The following COL14A1 variants were observed in gnomAD, a reference collection of about 807,000 sequenced individuals.
COL14A1 encodes collagen alpha-1(XIV) chain.
In COL14A1, 136 loss-of-function variants were observed where a neutral mutation model predicts 230.3. The observed-to-expected ratio is 0.59, with a 90% CI of 0.51 to 0.68. The LOEUF (loss-of-function observed/expected upper bound fraction) is 0.68. COL14A1 is among the 30% of genes least tolerant of loss of function. COL14A1 has a pLI of 0.00. For synonymous variants in COL14A1, 792 were observed against 784.1 expected, an observed-to-expected ratio of 1.01 and a Z score of -0.17; for missense variants, 1,976 against 2,215.8, an observed-to-expected ratio of 0.89 and a Z score of 2.17.
At chr8:120,243,211 C>T (rs183643204) in intron 19 of COL14A1, among the ~76,000 whole-genome samples, 9 of 152,286 alleles carry the variant, frequency 5.9e-5, no homozygotes, top group South Asian at 4.1e-4. Context: ...CACACTTGCG[C>T]GATGTCGAAC....
At chr8:120,249,949 G>C (rs1194027134) in intron 21 of COL14A1, among the ~76,000 whole-genome samples, 1 of 152,178 alleles carries the variant, frequency 6.6e-6, no homozygotes, top group Non-Finnish European at 1.5e-5. Context: ...AGCTCTTAAA[G>C]AATGAGCATG....
chr8:120,209,925 G>A, intron 12 of COL14A1, 24 bp downstream of exon 12: 1 of 1,455,760 alleles, frequency 6.9e-7, no homozygotes, highest in Non-Finnish European at 9.1e-7. Flanking sequence ...ACCTATTACA[G>A]TCCTAGAATC....
intron 36 of COL14A1, 86 bp from the exon 37 acceptor site, chr8:120,309,923 A>T: frequency 7.9e-7 from 1 of 1,273,644 alleles, no homozygotes; most frequent in Non-Finnish European, 1.1e-6. Context: ...AATAATAATG[A>T]GTTAATTCAT....
At position 120,270,258 on chromosome 8, in the gene COL14A1, T is replaced by C. The variant is rs1819620403; in HGVS notation, c.3213+84T>C. The C allele has an allele frequency of 4.4e-6, 6 of 1,358,430 alleles. No homozygotes were observed. The East Asian group carries it at 1.3e-4, about 28-fold the overall frequency. The allele number at this position is 1,358,430 out of a possible 1,614,324, so 84.1% of individuals were successfully genotyped here. On this transcript the variant is annotated intron_variant, in intron 26 of 47. Transcript: ENST00000297848. ...TATTACAGCTACTTGTCAGGGACTATAGGTCAAGAACTGTAATGATTGGGT... is the reference window on the plus strand; with the variant it reads ...TATTACAGCTACTTGTCAGGGACTACAGGTCAAGAACTGTAATGATTGGGT...
chr8:120,306,405 T>C (rs1349313362), intron 36 of COL14A1, among the ~76,000 whole-genome samples: 49 of 152,234 alleles, frequency 3.2e-4, no homozygotes, highest in Admixed American at 3.2e-3. Context: ...TGAAAATTTA[T>C]ATTTCAAAAA....
chr8:120,321,510 G>A (rs1022394737), intron 40 of COL14A1, among the ~76,000 whole-genome samples: 4 of 152,026 alleles, frequency 2.6e-5, no homozygotes, highest in Non-Finnish European at 5.9e-5. Context: ...TGGCATGGTG[G>A]CACGAGCCTG....
intron 18 of COL14A1, among the ~76,000 whole-genome samples, chr8:120,229,024 C>T (rs949219643): frequency 2.0e-5 from 3 of 151,900 alleles, no homozygotes; most frequent in African/African-American, 7.3e-5. Context: ...GATGCTCATG[C>T]ACCTTACCTG....
intron 47 of COL14A1, 67 bp downstream of exon 47, chr8:120,369,552 G>A: frequency 7.2e-7 from 1 of 1,381,912 alleles, no homozygotes; most frequent in Non-Finnish European, 9.5e-7. Context: ...GTACCAAAAT[G>A]GGAAGATAGT....
intron 35 of COL14A1, among the ~76,000 whole-genome samples, chr8:120,298,581 T>C (rs2130011067): frequency 7.6e-6 from 1 of 131,364 alleles, no homozygotes; most frequent in South Asian, 2.5e-4. Context: ...ATGGGATGTG[T>C]GTATACCCAT....
At chr8:120,172,953 G>A (rs931206017) in intron 5 of COL14A1, among the ~76,000 whole-genome samples, 1 of 152,178 alleles carries the variant, frequency 6.6e-6, no homozygotes, top group South Asian at 2.1e-4. Context: ...CTTGCAGTAA[G>A]TAAGTAGCTT....
intron 1 of COL14A1, among the ~76,000 whole-genome samples, chr8:120,142,790 T>C (rs188595055): frequency 5.4e-4 from 83 of 152,310 alleles, no homozygotes; most frequent in Non-Finnish European, 1.2e-4. Context: ...CTCCCTTTTA[T>C]TGGCAACATA....
intron 45 of COL14A1, among the ~76,000 whole-genome samples, chr8:120,347,977 T>A (rs1231158665): frequency 2.0e-5 from 3 of 152,136 alleles, no homozygotes; most frequent in African/African-American, 7.2e-5. Context: ...ACTTTCTGCT[T>A]AGGCTTCCTA....
At chr8:120,350,067 G>T (rs941285483) in intron 45 of COL14A1, among the ~76,000 whole-genome samples, 35 of 147,966 alleles carry the variant, frequency 2.4e-4, no homozygotes, top group Admixed American at 4.0e-4. Flanking sequence ...CCAGAAGAGA[G>T]TGGGGGCCAA....
At position 120,125,345 on chromosome 8, in the gene COL14A1, G is replaced by T. The variant is rs1814293227; in HGVS notation, c.-38+5G>T. The T allele has an allele frequency of 6.6e-6, 1 of 152,352 alleles. No homozygotes were observed. The allele number at this position is 152,352 out of a possible 1,614,324, so 9.4% of individuals were successfully genotyped here. ...CTGGAACCTTGCCCAGCACAGGTCAGTTCGTCTTTCTCTGCTCTTCTTTGG... is the reference window on the plus strand; with the variant it reads ...CTGGAACCTTGCCCAGCACAGGTCATTTCGTCTTTCTCTGCTCTTCTTTGG... On this transcript the variant is annotated splice_donor_5th_base_variant and intron_variant, in intron 1 of 47. Transcript: ENST00000297848.
chr8:120,357,255 A>G (rs1178866689), intron 45 of COL14A1, among the ~76,000 whole-genome samples: 1 of 152,164 alleles, frequency 6.6e-6, no homozygotes, highest in Non-Finnish European at 1.5e-5. Context: ...GAGCTGGTGC[A>G]TCTGTTTCCA....
At chr8:120,190,147 T>C (rs932336649) in intron 5 of COL14A1, among the ~76,000 whole-genome samples, 3 of 151,918 alleles carry the variant, frequency 2.0e-5, no homozygotes, top group African/African-American at 7.3e-5. Flanking sequence ...CCAGCACCTG[T>C]TGTTTCCTGA....
At chr8:120,154,364 T>C (rs1815392699) in intron 2 of COL14A1, among the ~76,000 whole-genome samples, 2 of 152,174 alleles carry the variant, frequency 1.3e-5, no homozygotes, top group South Asian at 4.1e-4. Flanking sequence ...TGAGCCTCTA[T>C]GGGAATGATT....
In COL14A1 at chr8:120,315,951, C is replaced by T; in HGVS notation, c.4613C>T (p.Pro1538Leu). Reference protein sequence around the residue: ...DTGLPGPQGIPGGVGSPGRDG... With the variant: ...DTGLPGPQGILGGVGSPGRDG... ...TGTCCCTGTTCTACACAGGGTATCCCAGGAGGCGTTGGTTCACCAGGACGT... is the reference window on the plus strand; with the variant it reads ...TGTCCCTGTTCTACACAGGGTATCCTAGGAGGCGTTGGTTCACCAGGACGT... The change falls in exon 40 of 48, where the codon CCA (proline) becomes CTA (leucine). Residue 1538 changes from proline to leucine, a missense_variant. Around this residue, in one of 3 missense-constraint regions of COL14A1, gnomAD observed 1,791 missense variants for 2,019.5 expected, o/e 0.89. Coordinates refer to ENST00000297848, the MANE Select transcript of COL14A1 (RefSeq NM_021110.4). 6.2e-7 allele frequency: 1 copy of T among 1,613,840 alleles called. No homozygotes were observed. The highest frequency in any genetic ancestry group is 1.1e-5 in the South Asian group (1 of 91,056).
intron 38 of COL14A1, among the ~76,000 whole-genome samples, chr8:120,314,911 C>T (rs146852224): frequency 1.3e-5 from 2 of 152,154 alleles, no homozygotes; most frequent in African/African-American, 4.8e-5. Context: ...ATTGTAAAAT[C>T]CAAGCCGTAA....
Sources: allele counts gnomAD v4.1 joint callset (sites outside exome capture counted in the v4.1 genomes callset), GRCh38; gene constraint gnomAD v4.1.1; regional missense constraint gnomAD v4.1.1; transcripts MANE v1.5; gene names NCBI Gene and HGNC (gene_info 2026-07-23, HGNC 2026-07-21).